ITGA1: variants seen among roughly 807,000 people sequenced by gnomAD.
ITGA1 encodes integrin alpha-1.
A neutral mutation model predicts 145.9 loss-of-function variants in ITGA1; 85 were observed. The ratio of observed to expected loss-of-function variants is 0.58; its 90% confidence interval spans 0.49 to 0.70. The LOEUF is 0.70. ITGA1 is among the 30% of genes least tolerant of loss of function. ITGA1 has a pLI of 0.00. For missense variants in ITGA1, 1,351 were observed against 1,418.7 expected, an observed-to-expected ratio of 0.95 and a Z score of 0.77; for synonymous variants, 520 against 495.3, an observed-to-expected ratio of 1.05 and a Z score of -0.66.
chr5:52,917,749 C>T (rs1044025544), intron 15 of ITGA1, among the ~76,000 whole-genome samples: 4 of 152,152 alleles, frequency 2.6e-5, no homozygotes, highest in Non-Finnish European at 5.9e-5. Flanking sequence ...GAAAAAACCA[C>T]TGAGTGTACT....
intron 1 of ITGA1, chr5:52,800,446 C>T (rs1201279916): frequency 1.2e-6 from 2 of 1,614,062 alleles, no homozygotes; most frequent in South Asian, 2.2e-5. Flanking sequence ...CCAGGTGACC[C>T]TGGTCCCCGA....
chr5:52,912,611 C>CACTATATATTATATATAGTGTATCT, intron 14 of ITGA1, among the ~76,000 whole-genome samples: 1 of 133,796 alleles, frequency 7.5e-6, no homozygotes, highest in Non-Finnish European at 1.6e-5. Flanking sequence ...ATAGTGTATC[C>CACTATATATTATATATAGTGTATCT]ACTATATATT....
At position 52,809,853 on chromosome 5, in the gene ITGA1, C is replaced by G. The variant is rs148079891; in HGVS notation, c.61+21439C>G. On this transcript the variant is annotated intron_variant, in intron 1 of 28. Coordinates refer to ENST00000282588, the MANE Select transcript of ITGA1 (RefSeq NM_181501.2). The stretch of plus-strand genomic sequence containing the variant: ...CTTCTACAGAGTGGTCTCTGTAATC[C>G]CTGATCTCTCTAAATGTTAAATATT... 2.1e-3 allele frequency among the ~76,000 whole-genome samples: 325 copies of G among 152,116 alleles called. 1 individual carries two copies. Among genetic ancestry groups the G allele is most frequent in the African/African-American group, 7.5e-3 (310 of 41,506 alleles).
At chr5:52,799,404 A>G (rs1274179933) in intron 1 of ITGA1, among the ~76,000 whole-genome samples, 2 of 152,030 alleles carry the variant, frequency 1.3e-5, no homozygotes, top group African/African-American at 4.8e-5. Context: ...CCAACCCCCA[A>G]CCTAAACATT....
intron 1 of ITGA1, chr5:52,801,458 A>C: frequency 6.2e-7 from 1 of 1,614,054 alleles, no homozygotes; most frequent in Non-Finnish European, 8.5e-7. Context: ...GCCCTTTGTG[A>C]CCCTACTGTG....
chr5:52,947,526 C>T, intron 28 of ITGA1, 65 bp downstream of exon 28: 5 of 912,036 alleles, frequency 5.5e-6, no homozygotes, highest in Non-Finnish European at 9.2e-6. Flanking sequence ...GAAATAAGCT[C>T]TGATATATTC....
intron 1 of ITGA1, among the ~76,000 whole-genome samples, chr5:52,805,494 G>A (rs1221287578): frequency 6.6e-6 from 1 of 152,090 alleles, no homozygotes; most frequent in African/African-American, 2.4e-5. Flanking sequence ...GGGATCAAAA[G>A]GACATGACTG....
chr5:52,928,198 AACTCG>A (rs1168544676), intron 20 of ITGA1, among the ~76,000 whole-genome samples: 1 of 152,240 alleles, frequency 6.6e-6, no homozygotes, highest in African/African-American at 2.4e-5. Flanking sequence ...TACACAGGCA[AACTCG>A]AACACCAAGA....
chr5:52,862,232 A>G (rs1054798487), intron 3 of ITGA1, among the ~76,000 whole-genome samples: 1 of 151,892 alleles, frequency 6.6e-6, no homozygotes, highest in South Asian at 2.1e-4. Flanking sequence ...AAAAAAAAAA[A>G]AAAGAAAAGA....
intron 14 of ITGA1, among the ~76,000 whole-genome samples, chr5:52,911,086 A>G (rs1212046494): frequency 7.9e-6 from 1 of 127,300 alleles, no homozygotes; most frequent in Non-Finnish European, 1.5e-5. Context: ...TATAGTATAT[A>G]TAGTGTATAT....
At chr5:52,909,743 A>C (rs1392277085) in intron 13 of ITGA1, among the ~76,000 whole-genome samples, 1 of 146,600 alleles carries the variant, frequency 6.8e-6, no homozygotes, top group Non-Finnish European at 1.5e-5. Context: ...ATTCTTGATT[A>C]CCTTTGCTAG....
At chr5:52,883,074 A>G (rs1320947172) in intron 7 of ITGA1, 3 of 152,202 alleles carry the variant, frequency 2.0e-5, no homozygotes, top group Non-Finnish European at 2.9e-5. Context: ...AAGAGAAAAT[A>G]ACCACAAACA....
intron 11 of ITGA1, among the ~76,000 whole-genome samples, chr5:52,901,337 A>G (rs1750311134): frequency 6.6e-6 from 1 of 152,214 alleles, no homozygotes; most frequent in Non-Finnish European, 1.5e-5. Flanking sequence ...TAGTCCAGGA[A>G]GCTCTATGCC....
At chr5:52,909,750 C>T (rs1417093497) in intron 13 of ITGA1, among the ~76,000 whole-genome samples, 1 of 149,744 alleles carries the variant, frequency 6.7e-6, no homozygotes, top group East Asian at 1.9e-4. Context: ...ATTACCTTTG[C>T]TAGTACTTTC....
chr5:52,810,305 G>T (rs1748665313), intron 1 of ITGA1, among the ~76,000 whole-genome samples: 1 of 152,222 alleles, frequency 6.6e-6, no homozygotes, highest in Non-Finnish European at 1.5e-5. Flanking sequence ...CTGGGGCCTG[G>T]GGAAGGCCCT....
At chr5:52,801,888 C>A in intron 1 of ITGA1, 1 of 1,371,462 alleles carries the variant, frequency 7.3e-7, no homozygotes, top group Non-Finnish European at 9.9e-7. Flanking sequence ...TAAACTGTTA[C>A]AGTACATTTC....
intron 3 of ITGA1, among the ~76,000 whole-genome samples, chr5:52,863,681 A>T (rs984557350): frequency 1.3e-5 from 2 of 151,426 alleles, no homozygotes; most frequent in African/African-American, 2.4e-5. Context: ...GTTAGGAGTT[A>T]CTCCTCCCTT....
intron 1 of ITGA1, among the ~76,000 whole-genome samples, chr5:52,812,407 CAAG>C (rs1748696065): frequency 6.6e-6 from 1 of 152,118 alleles, no homozygotes; most frequent in Admixed American, 6.5e-5. Flanking sequence ...TTGTGTAAAA[CAAG>C]ACACAAAAAT....
chr5:52,848,973 A>G (rs1749382996), intron 1 of ITGA1, among the ~76,000 whole-genome samples: 1 of 152,132 alleles, frequency 6.6e-6, no homozygotes, highest in Non-Finnish European at 1.5e-5. Context: ...AATCCAGTCT[A>G]TCGTTGATGG....
Sources: gnomAD v4.1 joint callset for allele counts (sites outside exome capture counted in the v4.1 genomes callset) on GRCh38, gnomAD v4.1.1 for gene constraint, MANE v1.5 for transcripts, NCBI Gene and HGNC (gene_info 2026-07-23, HGNC 2026-07-21) for gene names.